The following ADAM29 variants were observed in gnomAD, a reference collection of about 807,000 sequenced individuals.
ADAM29 encodes ADAM metallopeptidase domain 29, also known as disintegrin and metalloproteinase domain-containing protein 29.
For missense variants in ADAM29, 969 were observed against 1,001.8 expected (o/e 0.97, Z 0.44); for synonymous variants, 367 against 342.3 (o/e 1.07, Z -0.80).
intron 2 of ADAM29, among the ~76,000 whole-genome samples, chr4:174,928,704 T>C (rs1192174682): frequency 6.6e-6 from 1 of 151,910 alleles, no homozygotes; most frequent in African/African-American, 2.4e-5. Flanking sequence ...AATGACAAAG[T>C]ACTAGAGAAC....
chr4:174,951,491 A>G (rs181114766), intron 4 of ADAM29, among the ~76,000 whole-genome samples: 1 of 152,316 alleles, frequency 6.6e-6, no homozygotes, highest in Admixed American at 6.5e-5. Flanking sequence ...CCTTTTGTAT[A>G]ATGGTTTATT....
At chr4:174,949,573 G>T in intron 4 of ADAM29, among the ~76,000 whole-genome samples, 1 of 151,952 alleles carries the variant, frequency 6.6e-6, no homozygotes. Flanking sequence ...AGGGTTCTCA[G>T]CTTTCTCCCC....
chr4:174,974,204 C>T (rs1030036391), intron 4 of ADAM29, among the ~76,000 whole-genome samples: 2 of 152,194 alleles, frequency 1.3e-5, no homozygotes, highest in Non-Finnish European at 2.9e-5. Flanking sequence ...GCTGGAGCAA[C>T]TCCCCATGTC....
Position 174,977,314 on chromosome 4 carries a change from G to A in ADAM29, c.1789G>A (p.Glu597Lys). Reference sequence around the variant, plus strand: ...GGGGATGAAGGGACCTGATATTGGTGAAGTGAAAGATGGAACAGAGTGTGG... The same window carrying A: ...GGGGATGAAGGGACCTGATATTGGTAAAGTGAAAGATGGAACAGAGTGTGG... ...HLGMKGPDIG[E>K]VKDGTECGID... The change falls in exon 5 of 5, where the codon GAA (glutamate) becomes AAA (lysine). Residue 597 changes from glutamate to lysine, a missense_variant. Physicochemically the swap from Glu to Lys is moderately conservative, Grantham distance 56. Transcript: ENST00000359240. 6.2e-7 allele frequency: 1 copy of A among 1,613,648 alleles called. No homozygotes were observed. Among genetic ancestry groups the A allele is most frequent in the South Asian group, 1.1e-5 (1 of 91,062 alleles).
intron 4 of ADAM29, among the ~76,000 whole-genome samples, chr4:174,968,127 A>G (rs1184277237): frequency 2.0e-5 from 3 of 152,126 alleles, no homozygotes; most frequent in African/African-American, 4.8e-5. Flanking sequence ...ATACTTCGTC[A>G]TGAACACCAT....
rs142497877 is a variant in ADAM29 at position 174,970,253 on chromosome 4, T to C, written c.-180-5093T>C. On this transcript the variant is annotated intron_variant, in intron 4 of 4. Transcript: ENST00000359240. The stretch of plus-strand genomic sequence containing the variant: ...CCTGAAACCGACAAAGATTCCAATT[T>C]ACATGGTAAAGTGAATTAAGGTTGC... Among the ~76,000 whole-genome samples the C allele has an allele frequency of 3.9e-3, 598 of 152,246 alleles. 2 individuals carry two copies. The highest frequency in any genetic ancestry group is 0.014 in the African/African-American group (580 of 41,570).
intron 4 of ADAM29, among the ~76,000 whole-genome samples, chr4:174,974,732 T>C (rs1746658572): frequency 6.6e-6 from 1 of 152,204 alleles, no homozygotes; most frequent in Non-Finnish European, 1.5e-5. Context: ...CTAATATTTG[T>C]GAAAGATGCA....
At chr4:174,963,886 G>T (rs144502618) in intron 4 of ADAM29, among the ~76,000 whole-genome samples, 1 of 151,936 alleles carries the variant, frequency 6.6e-6, no homozygotes, top group East Asian at 1.9e-4. Flanking sequence ...TTCCAGGCTG[G>T]TCTCGAACTC....
At chr4:174,935,905 A>G (rs1744172858) in intron 3 of ADAM29, among the ~76,000 whole-genome samples, 1 of 152,096 alleles carries the variant, frequency 6.6e-6, no homozygotes, top group Non-Finnish European at 1.5e-5. Flanking sequence ...AAGTTTGCTT[A>G]CGAGAATTAT....
chr4:174,928,289 G>A (rs1020268363), intron 2 of ADAM29, among the ~76,000 whole-genome samples: 1 of 152,060 alleles, frequency 6.6e-6, no homozygotes, highest in Non-Finnish European at 1.5e-5. Flanking sequence ...ACAGGGTCAG[G>A]GTGGGGGAGC....
intron 3 of ADAM29, among the ~76,000 whole-genome samples, chr4:174,934,611 T>G (rs1320583093): frequency 1.3e-5 from 2 of 152,190 alleles, no homozygotes; most frequent in African/African-American, 4.8e-5. Flanking sequence ...CATCTTATTA[T>G]TTTTTCACTA....
At chr4:174,952,350 CCA>C (rs70947476) in intron 4 of ADAM29, among the ~76,000 whole-genome samples, 33,760 of 144,522 alleles carry the variant, frequency 0.23, 4,470 homozygotes, top group East Asian at 0.41. Flanking sequence ...AGTGCAATAA[CCA>C]CACACACACA....
At chr4:174,935,178 T>C (rs2110948426) in intron 3 of ADAM29, among the ~76,000 whole-genome samples, 1 of 152,258 alleles carries the variant, frequency 6.6e-6, no homozygotes, top group East Asian at 1.9e-4. Context: ...CTTCCTTAGA[T>C]AAGATCTCTC....
rs1337488690 is a variant in ADAM29, at chr4:174,977,115, T to C, written c.1590T>C (p.Arg530=). The part of the protein sequence containing the change: ...CYKELNTLGD[R]VGHCGIKNAT... ...AAGAATTGAACACCTTAGGTGACCG[T>C]GTTGGTCACTGTGGTATCAAAAATG... The change falls in exon 5 of 5, where the codon CGT becomes CGC. Residue 530 remains arginine (R), a synonymous_variant. Coordinates refer to ENST00000359240, the MANE Select transcript of ADAM29 (RefSeq NM_014269.4). 2 of 1,613,950 alleles carry C rather than the reference T, an allele frequency of 1.2e-6. No individual in the cohort carries two copies. The highest frequency in any genetic ancestry group is 1.7e-6 in the Non-Finnish European group (2 of 1,179,984).
chr4:174,937,682 C>A (rs560525195), intron 4 of ADAM29, among the ~76,000 whole-genome samples: 2 of 152,082 alleles, frequency 1.3e-5, no homozygotes, highest in Admixed American at 1.3e-4. Flanking sequence ...CTGGCTAGTT[C>A]CTAAGCATTT....
At chr4:174,972,783 G>A (rs2111105943) in intron 4 of ADAM29, among the ~76,000 whole-genome samples, 1 of 152,240 alleles carries the variant, frequency 6.6e-6, no homozygotes, top group East Asian at 1.9e-4. Context: ...TCTTTGGAGA[G>A]CCCTGGAGAA....
intron 2 of ADAM29, among the ~76,000 whole-genome samples, chr4:174,921,366 C>T (rs1743154212): frequency 1.3e-5 from 2 of 152,132 alleles, no homozygotes; most frequent in Admixed American, 1.3e-4. Flanking sequence ...GACAAACTGG[C>T]CTCTGTACTC....
Position 174,923,525 on chromosome 4 carries a change from GTATATATATATATATATAT to G in ADAM29, c.-451+2734_-451+2752del, listed in dbSNP as rs1743297118. On this transcript the variant is annotated intron_variant, in intron 2 of 4. Coordinates refer to ENST00000359240, the MANE Select transcript of ADAM29 (RefSeq NM_014269.4). ...ATCCCCTATATACTGTGCATTATAT[GTATATATATATATATATAT>G]ATATATATATATATATACACACACA... Among the ~76,000 whole-genome samples the G allele has an allele frequency of 4.4e-3, 426 of 96,694 alleles. 14 individuals are homozygous for G. The highest frequency in any genetic ancestry group is 0.015 in the African/African-American group (396 of 26,498). The allele number at this position is 96,694 out of a possible 152,430, so 63.4% of individuals were successfully genotyped here. A position where few individuals can be genotyped will look rare whatever the true frequency, so the allele number is the denominator to read the frequency against.
intron 4 of ADAM29, among the ~76,000 whole-genome samples, chr4:174,966,445 G>T (rs1341990785): frequency 6.6e-6 from 1 of 152,150 alleles, no homozygotes; most frequent in African/African-American, 2.4e-5. Flanking sequence ...CTCCAGCTAT[G>T]AAACTGTGAA....
Sources: allele counts gnomAD v4.1 joint callset (sites outside exome capture counted in the v4.1 genomes callset), GRCh38; gene constraint gnomAD v4.1.1; transcripts MANE v1.5; gene names NCBI Gene and HGNC (gene_info 2026-07-23, HGNC 2026-07-21).